Variants in SARDH observed in about 807,000 individuals in gnomAD.
SARDH encodes sarcosine dehydrogenase.
SARDH carries 95 observed loss-of-function variants against 109.1 expected under a neutral mutation model. The observed-to-expected ratio is 0.87, with a 90% CI of 0.74 to 1.03. The LOEUF (loss-of-function observed/expected upper bound fraction) is 1.03. SARDH is among the 50% of genes least tolerant of loss of function. The pLI, the probability that SARDH is intolerant of heterozygous loss-of-function variation, is 0.00. For synonymous variants in SARDH, 572 were observed against 534.8 expected, an observed-to-expected ratio of 1.07 and a Z score of -0.96; for missense variants, 1,267 against 1,287.8, an observed-to-expected ratio of 0.98 and a Z score of 0.25.
chr9:133,708,228 C>A, intron 11 of SARDH, 59 bp downstream of exon 11: 2 of 1,556,604 alleles, frequency 1.3e-6, no homozygotes, highest in South Asian at 1.2e-5. Flanking sequence ...CACTCCGCTG[C>A]CCTGAGGACG....
At chr9:133,729,721 G>T in intron 6 of SARDH, 44 bp downstream of exon 6, 1 of 1,556,058 alleles carries the variant, frequency 6.4e-7, no homozygotes, top group Non-Finnish European at 8.8e-7. Flanking sequence ...CCAGGTCTCT[G>T]TGCCCCCCAC....
At chr9:133,713,556 G>T (rs908780018) in intron 8 of SARDH, among the ~76,000 whole-genome samples, 1 of 152,188 alleles carries the variant, frequency 6.6e-6, no homozygotes, top group African/African-American at 2.4e-5. Context: ...ACTTCCCCCC[G>T]CCCAGCACAG....
At chr9:133,726,892 T>G (rs2251217) in intron 6 of SARDH, among the ~76,000 whole-genome samples, 131,612 of 152,198 alleles carry the variant, frequency 0.86, 57,259 homozygotes, top group Admixed American at 0.92. Flanking sequence ...CGGGCACCAC[T>G]CCCAGCTGCA....
intron 6 of SARDH, among the ~76,000 whole-genome samples, chr9:133,719,286 G>A (rs552971671): frequency 2.4e-4 from 37 of 152,324 alleles, no homozygotes; most frequent in Admixed American, 1.6e-3. Context: ...GAAGAAGGAA[G>A]AAGGAATGGA....
chr9:133,735,618 C>T (rs1304589283), intron 1 of SARDH, among the ~76,000 whole-genome samples: 4 of 152,204 alleles, frequency 2.6e-5, no homozygotes, highest in Admixed American at 2.6e-4. Context: ...TAACTGAGCT[C>T]GTTCAAGCAA....
At chr9:133,717,780 G>A (rs909344139) in intron 7 of SARDH, among the ~76,000 whole-genome samples, 1 of 152,156 alleles carries the variant, frequency 6.6e-6, no homozygotes, top group Non-Finnish European at 1.5e-5. Flanking sequence ...GTGCCAGCCT[G>A]CCTACCTCTA....
intron 18 of SARDH, 150 bp from the exon 19 acceptor site, chr9:133,670,902 C>A (rs1309272378): frequency 1.7e-6 from 2 of 1,190,202 alleles, no homozygotes; most frequent in African/African-American, 1.6e-5. Flanking sequence ...GCAGGGGCAT[C>A]CCCAACTCCA....
At chr9:133,670,349 G>C (rs1011086072) in intron 19 of SARDH, among the ~76,000 whole-genome samples, 24 of 133,770 alleles carry the variant, frequency 1.8e-4, no homozygotes, top group African/African-American at 6.8e-4. Context: ...AAAAAAAAAA[G>C]AGCAAACTCT....
chr9:133,710,112 T>C (rs1200849302), intron 10 of SARDH, among the ~76,000 whole-genome samples: 2 of 152,140 alleles, frequency 1.3e-5, no homozygotes. Flanking sequence ...GCTCACCTGG[T>C]CCCCAAGGAA....
At chr9:133,679,638 T>C (rs1486149986) in intron 17 of SARDH, among the ~76,000 whole-genome samples, 2 of 152,132 alleles carry the variant, frequency 1.3e-5, no homozygotes, top group Non-Finnish European at 2.9e-5. Flanking sequence ...GGCAAGATAT[T>C]TGGGGAGCAA....
chr9:133,708,101 G>T (rs1002406850), intron 11 of SARDH, among the ~76,000 whole-genome samples, 186 bp downstream of exon 11: 2 of 152,144 alleles, frequency 1.3e-5, no homozygotes, highest in South Asian at 4.1e-4. Flanking sequence ...ATTCCCTAAT[G>T]TTCTTGGCCC....
rs1367129648 is a variant in SARDH at position 133,704,129 on chromosome 9, C to T, written c.1554+819G>A. Among the ~76,000 whole-genome samples the T allele has an allele frequency of 2.6e-5, 4 of 152,194 alleles. No homozygotes were observed. Among genetic ancestry groups the T allele is most frequent in the African/African-American group, 4.8e-5 (2 of 41,518 alleles). ...CCCTAGGGGCCAGCAGGAGAAGAGA[C>T]GATGACCTGCAAGGCTCTGACCCCA... On this transcript the variant is annotated intron_variant, in intron 12 of 20. Coordinates refer to ENST00000439388, the MANE Select transcript of SARDH (RefSeq NM_001134707.2). The surrounding 1 kb of genome is among the most constrained non-coding windows in gnomAD (Gnocchi z 4.5).
chr9:133,668,325 C>T (rs1175282824), intron 19 of SARDH, among the ~76,000 whole-genome samples: 5 of 131,392 alleles, frequency 3.8e-5, no homozygotes, highest in Admixed American at 1.5e-4. Flanking sequence ...CCCACCCTCC[C>T]TCTCCCTCTC....
At chr9:133,710,745 A>G (rs890510489) in intron 10 of SARDH, among the ~76,000 whole-genome samples, 1 of 152,240 alleles carries the variant, frequency 6.6e-6, no homozygotes. Context: ...AGAACATTGC[A>G]TTAGTGCTAC....
At chr9:133,673,397 C>T (rs10821578) in intron 17 of SARDH, among the ~76,000 whole-genome samples, 62,976 of 152,122 alleles carry the variant, frequency 0.41, 13,788 homozygotes, top group Non-Finnish European at 0.49. Flanking sequence ...TGCAGGATCC[C>T]AGACAGCGGA....
At position 133,671,693 on chromosome 9, in the gene SARDH, C is replaced by T. The variant is rs1243720950; in HGVS notation, c.2168G>A (p.Arg723Gln). Residue 723 changes from arginine to glutamine, a missense_variant, in exon 18 of 21, where the codon CGA (arginine) becomes CAA (glutamine). Arg to Gln is a conservative substitution (Grantham distance 43). Transcript: ENST00000439388. ...KLLRAAGHLVRAMRLSFVGEL... is the reference protein window; with the variant it reads ...KLLRAAGHLVQAMRLSFVGEL... ...CCCCACAAAGGACAGCCGCATGGCT[C>T]GGACCTGGGGGACAAGGTCATGGCT... The T allele has an allele frequency of 9.6e-6, 15 of 1,570,620 alleles. No homozygotes were observed. The highest frequency in any genetic ancestry group is 1.9e-5 in the Admixed American group (1 of 53,924).
At chr9:133,700,731 G>GCGCACACACACACA (rs1831452720) in intron 13 of SARDH, among the ~76,000 whole-genome samples, 2 of 125,584 alleles carry the variant, frequency 1.6e-5, no homozygotes, top group African/African-American at 3.1e-5. Flanking sequence ...ACACACACAC[G>GCGCACACACACACA]CACGCGCACA....
intron 6 of SARDH, among the ~76,000 whole-genome samples, chr9:133,721,510 G>A (rs1482231618): frequency 1.3e-5 from 2 of 152,206 alleles, no homozygotes; most frequent in Non-Finnish European, 2.9e-5. Context: ...AAGAGTGAAA[G>A]CCATGGCTCC....
chr9:133,666,486 C>G lies in SARDH; in HGVS notation c.2631+249G>C, dbSNP rs1030204457. 4.6e-5 allele frequency among the ~76,000 whole-genome samples: 7 copies of G among 151,974 alleles called. No homozygotes were observed. Among genetic ancestry groups the G allele is most frequent in the African/African-American group, 1.7e-4 (7 of 41,382 alleles). Reference sequence around the variant, plus strand: ...GCTGAGGCCTCTTCCTCCCCCTTCTCCTTCTCCCTCCCTCCTCCCTCTCCC... The same window carrying G: ...GCTGAGGCCTCTTCCTCCCCCTTCTGCTTCTCCCTCCCTCCTCCCTCTCCC... On this transcript the variant is annotated intron_variant, in intron 20 of 20. Coordinates refer to ENST00000439388, the MANE Select transcript of SARDH (RefSeq NM_001134707.2). This position sits in a 1 kb window ranked among gnomAD's most constrained non-coding sequence, Gnocchi z 5.2.
Sources: gnomAD v4.1 joint callset for allele counts (sites outside exome capture counted in the v4.1 genomes callset) on GRCh38, gnomAD v4.1.1 for gene constraint, Gnocchi (gnomAD v3.1) non-coding constraint, MANE v1.5 for transcripts, NCBI Gene and HGNC (gene_info 2026-07-23, HGNC 2026-07-21) for gene names.